THEM4: variants seen among roughly 807,000 people sequenced by gnomAD.
THEM4 encodes the protein acyl-coenzyme A thioesterase THEM4.
THEM4 carries 22 observed loss-of-function variants against 25.0 expected under a neutral mutation model. The observed-to-expected ratio is 0.88, with a 90% CI of 0.63 to 1.26. The LOEUF is 1.26. THEM4 is among the 50% of genes most tolerant of loss of function. THEM4 has a pLI of 0.00. For missense variants in THEM4, 286 were observed against 300.3 expected, an observed-to-expected ratio of 0.95 and a Z score of 0.35; for synonymous variants, 113 against 105.6, an observed-to-expected ratio of 1.07 and a Z score of -0.43.
At chr1:151,876,343 C>T (rs1169876385) in intron 5 of THEM4, among the ~76,000 whole-genome samples, 2 of 152,108 alleles carry the variant, frequency 1.3e-5, no homozygotes, top group Non-Finnish European at 2.9e-5. Context: ...GCATGAGTGA[C>T]ACAATCACTG....
At chr1:151,893,377 C>CAAAAAAAAAA (rs776463445) in intron 2 of THEM4, among the ~76,000 whole-genome samples, 6 of 130,988 alleles carry the variant, frequency 4.6e-5, no homozygotes, top group Non-Finnish European at 7.9e-5. Flanking sequence ...TTCTCAAAAC[C>CAAAAAAAAAA]AAAAACAAAA....
chr1:151,905,691 C>T (rs781175635), intron 1 of THEM4, among the ~76,000 whole-genome samples: 2 of 152,150 alleles, frequency 1.3e-5, no homozygotes, highest in Non-Finnish European at 2.9e-5. Context: ...AGTAAAGTTC[C>T]CCCTTGAATC....
At chr1:151,905,479 TGAG>T (rs1326296045) in intron 1 of THEM4, among the ~76,000 whole-genome samples, 1 of 151,914 alleles carries the variant, frequency 6.6e-6, no homozygotes, top group African/African-American at 2.4e-5. Context: ...CCTGAGGAAG[TGAG>T]GCAGGAAATT....
intron 1 of THEM4, among the ~76,000 whole-genome samples, chr1:151,903,571 A>G (rs1654397515): frequency 6.6e-6 from 1 of 152,240 alleles, no homozygotes; most frequent in Non-Finnish European, 1.5e-5. Context: ...ATTTTGGATT[A>G]TTTCCTTAGA....
Position 151,871,881 on chromosome 1 carries a change from TC to T in THEM4, c.*3006del, listed in dbSNP as rs886401747. On this transcript the variant is annotated 3_prime_UTR_variant, in exon 6 of 6. Coordinates refer to ENST00000368814, the MANE Select transcript of THEM4 (RefSeq NM_053055.5). Reference sequence around the variant, plus strand: ...GTACAGTACCTTCATTGTCTAAACTTCCTCCCAACTAGTTAAGTGAAACTAG... The same window carrying T: ...GTACAGTACCTTCATTGTCTAAACTTCTCCCAACTAGTTAAGTGAAACTAG... Among the ~76,000 whole-genome samples, 3 of 152,184 alleles carry T rather than the reference TC, an allele frequency of 2.0e-5. No homozygotes were observed. Among genetic ancestry groups the T allele is most frequent in the African/African-American group, 7.2e-5 (3 of 41,450 alleles).
At chr1:151,895,313 C>A in intron 1 of THEM4, 119 bp from the exon 2 acceptor site, 5 of 888,472 alleles carry the variant, frequency 5.6e-6, no homozygotes, top group East Asian at 2.7e-5. Context: ...CTTGTCACTT[C>A]AAAATGGAAG....
intron 1 of THEM4, among the ~76,000 whole-genome samples, chr1:151,897,202 T>C (rs1483060830): frequency 6.6e-6 from 1 of 152,216 alleles, no homozygotes; most frequent in Non-Finnish European, 1.5e-5. Context: ...ATTAACTCCA[T>C]GGCATTCTAC....
chr1:151,876,298 G>A (rs1000203750), intron 5 of THEM4, among the ~76,000 whole-genome samples: 1 of 152,080 alleles, frequency 6.6e-6, no homozygotes, highest in Non-Finnish European at 1.5e-5. Flanking sequence ...TGTTTGCTAC[G>A]TTTTGCCATT....
intron 4 of THEM4, among the ~76,000 whole-genome samples, chr1:151,877,692 G>A (rs1245772943): frequency 8.5e-5 from 13 of 152,152 alleles, no homozygotes; most frequent in Non-Finnish European, 1.9e-4. Flanking sequence ...GTAGCCACAT[G>A]TGCCTAATGA....
chr1:151,887,209 A>G (rs1005266296), intron 4 of THEM4, among the ~76,000 whole-genome samples: 9 of 152,332 alleles, frequency 5.9e-5, no homozygotes, highest in African/African-American at 1.4e-4. Context: ...CAGGCGGATC[A>G]CTTGAGGCCA....
chr1:151,892,626 T>C (rs533210292), intron 2 of THEM4, among the ~76,000 whole-genome samples: 1 of 152,334 alleles, frequency 6.6e-6, no homozygotes, highest in South Asian at 2.1e-4. Context: ...TTATTTTTGT[T>C]TTATTCATTC....
intron 4 of THEM4, among the ~76,000 whole-genome samples, chr1:151,883,050 G>GGA (rs10549601): frequency 3.3e-5 from 5 of 149,690 alleles, no homozygotes; most frequent in African/African-American, 9.9e-5. Context: ...CATGGTGGCA[G>GGA]GAGAGAGAGA....
intron 1 of THEM4, 99 bp downstream of exon 1, chr1:151,909,261 T>C (rs1654543471): frequency 2.0e-6 from 2 of 995,568 alleles, no homozygotes; most frequent in Non-Finnish European, 1.4e-6. Context: ...TATTCTGAGA[T>C]TGGCTGGTTG....
At chr1:151,888,154 T>C in intron 4 of THEM4, 119 bp downstream of exon 4, 1 of 683,906 alleles carries the variant, frequency 1.5e-6, no homozygotes, top group East Asian at 3.0e-5. Context: ...CCCTTGCTAG[T>C]CTCCTCTGGG....
chr1:151,897,798 C>T (rs367911481), intron 1 of THEM4, among the ~76,000 whole-genome samples: 99 of 152,316 alleles, frequency 6.5e-4, no homozygotes, highest in African/African-American at 2.3e-3. Flanking sequence ...AAGAAAGACC[C>T]TCCTCTCCTG....
intron 1 of THEM4, among the ~76,000 whole-genome samples, chr1:151,897,191 T>A (rs1258361103): frequency 2.6e-5 from 4 of 152,340 alleles, no homozygotes; most frequent in African/African-American, 9.6e-5. Context: ...TCACAGAAGC[T>A]ATTAACTCCA....
At chr1:151,902,815 C>A (rs1381703483) in intron 1 of THEM4, among the ~76,000 whole-genome samples, 1 of 152,062 alleles carries the variant, frequency 6.6e-6, no homozygotes, top group African/African-American at 2.4e-5. Context: ...TGGTGAAACC[C>A]TATCTCTACA....
At chr1:151,876,755 T>C (rs986414866) in intron 5 of THEM4, among the ~76,000 whole-genome samples, 1 of 152,168 alleles carries the variant, frequency 6.6e-6, no homozygotes, top group Non-Finnish European at 1.5e-5. Context: ...GGCTGTAATT[T>C]TGATAGCTGT....
rs547731693 is a variant in THEM4 at position 151,871,379 on chromosome 1, G to C, written c.*3509C>G. 6.6e-6 allele frequency among the ~76,000 whole-genome samples: 1 copy of C among 151,548 alleles called. No homozygotes were observed. The highest frequency in any genetic ancestry group is 1.5e-5 in the Non-Finnish European group (1 of 67,896). On this transcript the variant is annotated 3_prime_UTR_variant, in exon 6 of 6. Transcript: ENST00000368814. Reference sequence around the variant, plus strand: ...AAAGAAAGGAAAAAGAAGGAAACAGGAAATGAGGAATAGTTCCATTAGGTC... The same window carrying C: ...AAAGAAAGGAAAAAGAAGGAAACAGCAAATGAGGAATAGTTCCATTAGGTC...
Sources: gnomAD v4.1 joint callset for allele counts (sites outside exome capture counted in the v4.1 genomes callset) on GRCh38, gnomAD v4.1.1 for gene constraint, MANE v1.5 for transcripts, NCBI Gene and HGNC (gene_info 2026-07-23, HGNC 2026-07-21) for gene names.